Variants in LCOR observed in about 807,000 individuals in gnomAD.
LCOR encodes the protein ligand dependent nuclear receptor corepressor, also known as ligand-dependent corepressor.
In LCOR, 14 loss-of-function variants were observed where a neutral mutation model predicts 64.4. That is an observed-to-expected ratio of 0.22 (90% CI 0.14 to 0.34). The LOEUF is 0.34. Ranked by LOEUF, LCOR falls within the 10% of genes least tolerant of loss-of-function variation. The probability of loss-of-function intolerance (pLI) is 1.00; values close to 1 mark genes in which losing one functional copy is unlikely to be tolerated. For synonymous variants in LCOR, 643 were observed against 642.5 expected, an observed-to-expected ratio of 1.00 and a Z score of -0.01; for missense variants, 1,686 against 1,765.3, an observed-to-expected ratio of 0.96 and a Z score of 0.80.
intron 2 of LCOR, among the ~76,000 whole-genome samples, chr10:96,861,468 C>T (rs144042191): frequency 1.2e-3 from 186 of 152,230 alleles, no homozygotes; most frequent in Admixed American, 3.6e-3. Flanking sequence ...TGTGACCAAA[C>T]GTGGGTTTTT....
intron 2 of LCOR, among the ~76,000 whole-genome samples, chr10:96,900,990 C>T (rs1014924773): frequency 2.0e-5 from 3 of 151,426 alleles, no homozygotes; most frequent in African/African-American, 7.3e-5. Flanking sequence ...GAGATCGAGA[C>T]CATCGTGGCT....
At chr10:96,900,866 C>CT (rs139940073) in intron 2 of LCOR, among the ~76,000 whole-genome samples, 3,653 of 141,230 alleles carry the variant, frequency 0.026, 48 homozygotes, top group Non-Finnish European at 0.03. Context: ...GCTTCGTAGG[C>CT]TTTTTTTTTT....
In LCOR at chr10:96,920,751, T is replaced by TATATGTACACAC. The variant is rs761907103; in HGVS notation, c.-184+13005_-184+13006insTATGTACACACA. Among the ~76,000 whole-genome samples, 37 of 118,866 alleles carry TATATGTACACAC rather than the reference T, an allele frequency of 3.1e-4. 4 individuals are homozygous for TATATGTACACAC. Among genetic ancestry groups the TATATGTACACAC allele is most frequent in the African/African-American group, 1.4e-3 (35 of 25,596 alleles). The allele number at this position is 118,866 out of a possible 152,430, so 78.0% of individuals were successfully genotyped here. A position where few individuals can be genotyped will look rare whatever the true frequency, so the allele number is the denominator to read the frequency against. On this transcript the variant is annotated intron_variant, in intron 4 of 7. Coordinates refer to ENST00000421806, the MANE Select transcript of LCOR (RefSeq NM_001346516.2). ...GTTCATATATATGTGTATATATGTA[T>TATATGTACACAC]ACACACACACACACACACACACACA...
chr10:96,983,440 G>T lies in LCOR; in HGVS notation c.2980G>T (p.Val994Leu), dbSNP rs370803736. 9 of 1,614,082 alleles carry T rather than the reference G, an allele frequency of 5.6e-6. No homozygotes were observed. The highest frequency in any genetic ancestry group is 7.6e-6 in the Non-Finnish European group (9 of 1,180,052). The change falls in exon 8 of 8, where the codon GTA becomes TTA. Residue 994 changes from valine (V) to leucine (L), a missense_variant. Val to Leu is a conservative substitution (Grantham distance 32). Coordinates refer to ENST00000421806, the MANE Select transcript of LCOR (RefSeq NM_001346516.2). The surrounding 1 kb of genome is among the most constrained non-coding windows in gnomAD (Gnocchi z 4.5). ...TQHVEEAVNE[V>L]DNENTQQKDD... Reference sequence around the variant, plus strand: ...GCATGTGGAGGAGGCTGTGAATGAGGTAGACAACGAAAACACCCAGCAGAA... The same window carrying T: ...GCATGTGGAGGAGGCTGTGAATGAGTTAGACAACGAAAACACCCAGCAGAA...
At chr10:96,891,396 T>G (rs1846436913) in intron 2 of LCOR, among the ~76,000 whole-genome samples, 1 of 151,470 alleles carries the variant, frequency 6.6e-6, no homozygotes, top group Non-Finnish European at 1.5e-5. Context: ...TCTCTCTTCT[T>G]TTTTCTTGGT....
At chr10:96,906,478 GA>G (rs1846729930) in intron 2 of LCOR, among the ~76,000 whole-genome samples, 3 of 152,022 alleles carry the variant, frequency 2.0e-5, no homozygotes, top group African/African-American at 7.2e-5. Context: ...TTACTCTCTT[GA>G]CCCATAAGAA....
intron 2 of LCOR, among the ~76,000 whole-genome samples, chr10:96,858,803 C>T (rs1444765705): frequency 2.0e-5 from 3 of 152,116 alleles, no homozygotes; most frequent in Admixed American, 6.5e-5. Context: ...TTTTAACAAG[C>T]ATGAATGAAT....
chr10:96,844,901 A>G (rs1488366084), intron 2 of LCOR, among the ~76,000 whole-genome samples: 1 of 152,116 alleles, frequency 6.6e-6, no homozygotes. Flanking sequence ...ACCTCAAGGA[A>G]GTGTGGGGTG....
chr10:96,959,791 A>G (rs1375988346), intron 7 of LCOR: 1 of 152,208 alleles, frequency 6.6e-6, no homozygotes, highest in Non-Finnish European at 1.5e-5. Context: ...TTGCTGCAGC[A>G]GATCATGAAT....
At chr10:96,932,780 C>T (rs889304769) in intron 4 of LCOR, among the ~76,000 whole-genome samples, 3 of 152,116 alleles carry the variant, frequency 2.0e-5, no homozygotes, top group Non-Finnish European at 4.4e-5. Flanking sequence ...CATTGTATAC[C>T]AATGAAATCT....
chr10:96,908,679 CCT>C (rs1491305480), intron 4 of LCOR, among the ~76,000 whole-genome samples: 3 of 151,356 alleles, frequency 2.0e-5, no homozygotes, highest in Non-Finnish European at 2.9e-5. Flanking sequence ...ACATCCATTC[CCT>C]GTTTTAAAGC....
At chr10:96,920,189 T>C (rs142476709) in intron 4 of LCOR, among the ~76,000 whole-genome samples, 102 of 152,026 alleles carry the variant, frequency 6.7e-4, no homozygotes, top group Middle Eastern at 3.4e-3. Flanking sequence ...TTTTTAATAG[T>C]AGCCATGCTA....
chr10:96,964,045 C>T (rs1847921330), intron 7 of LCOR: 1 of 151,960 alleles, frequency 6.6e-6, no homozygotes, highest in African/African-American at 2.4e-5. Context: ...TTTTTTTGTA[C>T]TGTGTGATTT....
chr10:96,844,340 G>A (rs191621536), intron 2 of LCOR, among the ~76,000 whole-genome samples: 4 of 151,648 alleles, frequency 2.6e-5, no homozygotes, highest in African/African-American at 7.3e-5. Flanking sequence ...TTGTAAAGAC[G>A]GGGTCTTGCT....
intron 7 of LCOR, chr10:96,958,173 T>G: frequency 7.8e-7 from 1 of 1,278,156 alleles, no homozygotes; most frequent in Non-Finnish European, 9.9e-7. Flanking sequence ...TACAAAAAGG[T>G]CCTTTGAGAA....
At chr10:96,886,861 C>T (rs1209952652) in intron 2 of LCOR, among the ~76,000 whole-genome samples, 1 of 152,168 alleles carries the variant, frequency 6.6e-6, no homozygotes, top group Non-Finnish European at 1.5e-5. Flanking sequence ...AATCATATAA[C>T]TTTATACTCT....
At position 96,896,994 on chromosome 10, in the gene LCOR, G is replaced by A. The variant is rs1300176350; in HGVS notation, c.-329-10271G>A. On this transcript the variant is annotated intron_variant, in intron 2 of 7. Transcript: ENST00000421806. ...AATTTCCATTTTACCTAAAGTGAAG[G>A]AAATCATTCAGCTTATAATTTTGTT... is the stretch of plus-strand genomic sequence containing the variant. Among the ~76,000 whole-genome samples, 8 of 148,854 alleles carry A rather than the reference G, an allele frequency of 5.4e-5. No individual in the cohort carries two copies. In the East Asian group the frequency reaches 1.6e-3, roughly 30 times the overall value.
At chr10:96,938,877 A>G (rs1021465971) in intron 4 of LCOR, among the ~76,000 whole-genome samples, 3 of 152,238 alleles carry the variant, frequency 2.0e-5, no homozygotes, top group Non-Finnish European at 4.4e-5. Context: ...AAGAAATTAC[A>G]TGGAAAGACA....
At chr10:96,943,154 C>T (rs1564633567) in intron 4 of LCOR, among the ~76,000 whole-genome samples, 2 of 152,134 alleles carry the variant, frequency 1.3e-5, no homozygotes, top group African/African-American at 4.8e-5. Flanking sequence ...AGCTGGAGTG[C>T]AGTGGCATAA....
Sources: allele counts gnomAD v4.1 joint callset (sites outside exome capture counted in the v4.1 genomes callset), GRCh38; gene constraint gnomAD v4.1.1; non-coding constraint Gnocchi (gnomAD v3.1); transcripts MANE v1.5; gene names NCBI Gene and HGNC (gene_info 2026-07-23, HGNC 2026-07-21).